Variants in VWCE observed in about 807,000 individuals in gnomAD.
VWCE encodes the protein von Willebrand factor C and EGF domains.
In VWCE, 68 loss-of-function variants were observed where a neutral mutation model predicts 102.9. The ratio of observed to expected loss-of-function variants is 0.66; its 90% CI spans 0.54 to 0.81. The LOEUF is 0.81. Among genes scored for constraint, VWCE ranks in the 30% least tolerant of loss-of-function variants. The pLI, the probability that VWCE is intolerant of heterozygous loss-of-function variation, is 0.00. For missense variants in VWCE, 1,137 were observed against 1,263.6 expected, an observed-to-expected ratio of 0.90 and a Z score of 1.52; for synonymous variants, 497 against 515.4, an observed-to-expected ratio of 0.96 and a Z score of 0.48.
intron 9 of VWCE, among the ~76,000 whole-genome samples, chr11:61,279,290 C>T (rs1177608630): frequency 1.3e-5 from 2 of 152,136 alleles, no homozygotes; most frequent in Non-Finnish European, 2.9e-5. Flanking sequence ...GAAAATCAAG[C>T]CAGGCCCAGC....
At chr11:61,288,870 G>A (rs1230399219) in intron 4 of VWCE, among the ~76,000 whole-genome samples, 1 of 141,254 alleles carries the variant, frequency 7.1e-6, no homozygotes, top group Non-Finnish European at 1.5e-5. Context: ...ACGGAATCTC[G>A]CTCTGTCACT....
chr11:61,258,815 T>C lies in VWCE; in HGVS notation c.2728A>G (p.Lys910Glu). The change falls in exon 20 of 20, where the codon AAG (lysine) becomes GAG (glutamate). Residue 910 changes from lysine (K) to glutamate (E), a missense_variant. Around this residue, in one of 5 missense-constraint regions of VWCE, gnomAD observed 316 missense variants for 319.3 expected, o/e 0.99. Coordinates refer to ENST00000335613, the MANE Select transcript of VWCE (RefSeq NM_152718.2). ...ALSMMDPSPS[K>E]TPITLLGPRV... ...GGCCCGAGGAGGGTGATGGGGGTCT[T>C]CGAGGGGCTGGGGTCCATCATGGAA... 1 of 1,503,700 alleles carries C rather than the reference T, an allele frequency of 6.7e-7. No individual in the cohort carries two copies. The allele number at this position is 1,503,700 out of a possible 1,614,324, so 93.1% of individuals were successfully genotyped here.
At chr11:61,264,451 T>C (rs985312161) in intron 19 of VWCE, 36 bp downstream of exon 19, 1 of 1,589,088 alleles carries the variant, frequency 6.3e-7, no homozygotes, top group Non-Finnish European at 8.6e-7. Flanking sequence ...TGGAAGAAGA[T>C]GGCGGAGAAA....
At chr11:61,265,964 T>C (rs1216874742) in intron 16 of VWCE, among the ~76,000 whole-genome samples, 2 of 151,968 alleles carry the variant, frequency 1.3e-5, no homozygotes, top group Non-Finnish European at 2.9e-5. Context: ...GAGAATCGTT[T>C]GAACCTGGGA....
intron 19 of VWCE, among the ~76,000 whole-genome samples, chr11:61,260,526 G>A (rs1357770207): frequency 6.6e-6 from 1 of 152,080 alleles, no homozygotes; most frequent in Non-Finnish European, 1.5e-5. Context: ...TCAAACTCCT[G>A]AGCTCAAGTG....
chr11:61,264,450 A>T, intron 19 of VWCE, 37 bp downstream of exon 19: 1 of 1,587,404 alleles, frequency 6.3e-7, no homozygotes. Flanking sequence ...ATGGAAGAAG[A>T]TGGCGGAGAA....
chr11:61,270,003 C>T (rs1292177781), intron 14 of VWCE, among the ~76,000 whole-genome samples: 4 of 151,292 alleles, frequency 2.6e-5, no homozygotes, highest in African/African-American at 4.9e-5. Context: ...CTGCAAGCTC[C>T]GCCTCCCGGG....
At chr11:61,290,762 C>A (rs1465829475) in intron 4 of VWCE, 37 bp downstream of exon 4, 1 of 1,570,954 alleles carries the variant, frequency 6.4e-7, no homozygotes, top group Non-Finnish European at 8.7e-7. Flanking sequence ...TTCCCGCTGT[C>A]CCCCTCCCCC....
At chr11:61,283,351 G>T (rs1342658688) in intron 5 of VWCE, among the ~76,000 whole-genome samples, 1 of 152,122 alleles carries the variant, frequency 6.6e-6, no homozygotes, top group Non-Finnish European at 1.5e-5. Flanking sequence ...CACAGTCCTG[G>T]TTGCCTTGCC....
intron 11 of VWCE, among the ~76,000 whole-genome samples, 167 bp downstream of exon 11, chr11:61,276,425 GC>G (rs1854908414): frequency 6.7e-6 from 1 of 149,432 alleles, no homozygotes; most frequent in Non-Finnish European, 1.5e-5. Flanking sequence ...AAAAAAAGGA[GC>G]AAAATGCAAA....
chr11:61,267,061 C>T (rs1195900240), intron 16 of VWCE, among the ~76,000 whole-genome samples: 4 of 152,282 alleles, frequency 2.6e-5, no homozygotes, highest in South Asian at 4.1e-4. Context: ...AGTTCAGGAA[C>T]GGCCTGGCCA....
chr11:61,278,591 G>T, intron 9 of VWCE, 115 bp from the exon 10 acceptor site: 1 of 955,820 alleles, frequency 1.0e-6, no homozygotes, highest in Non-Finnish European at 1.6e-6. Context: ...ACTGCCCTAG[G>T]TGTCCCAGGA....
chr11:61,280,497 G>A (rs1317906312), intron 9 of VWCE, 127 bp downstream of exon 9: 2 of 926,980 alleles, frequency 2.2e-6, no homozygotes, highest in Non-Finnish European at 3.2e-6. Flanking sequence ...GCCAAGGGAA[G>A]TGTGGCTTAG....
At chr11:61,267,435 C>G in intron 16 of VWCE, 27 bp downstream of exon 16, 2 of 1,610,296 alleles carry the variant, frequency 1.2e-6, no homozygotes, top group Non-Finnish European at 1.7e-6. Flanking sequence ...TTTCCAGGGG[C>G]GGGAGTCAGA....
intron 12 of VWCE, 38 bp downstream of exon 12, chr11:61,274,461 A>G (rs751567459): frequency 6.0e-5 from 96 of 1,599,282 alleles, no homozygotes; most frequent in Non-Finnish European, 8.2e-5. Flanking sequence ...TCCCCTCTCC[A>G]TCAATTCCAC....
rs1432317739 is a variant in VWCE, at chr11:61,294,209, C to CCCA, written c.110+718_110+719insTGG. Among the ~76,000 whole-genome samples the CCCA allele has an allele frequency of 6.6e-6, 1 of 152,142 alleles. No individual in the cohort carries two copies. The highest frequency in any genetic ancestry group is 1.5e-5 in the Non-Finnish European group (1 of 68,008). On this transcript the variant is annotated intron_variant, in intron 1 of 19. Coordinates refer to ENST00000335613, the MANE Select transcript of VWCE (RefSeq NM_152718.2). The surrounding 1 kb of genome is among the most constrained non-coding windows in gnomAD (Gnocchi z 6.3). Reference sequence around the variant, plus strand: ...GGGGCAGGTTCTGAGCAGGAACTGGCGGTGGCTGTGGAACACACGTGTGAG... The same window carrying CCCA: ...GGGGCAGGTTCTGAGCAGGAACTGGCCCAGGTGGCTGTGGAACACACGTGTGAG...
At position 61,280,608 on chromosome 11, in the gene VWCE, TG is replaced by T; in HGVS notation, c.1324+15del. The T allele has an allele frequency of 6.2e-7, 1 of 1,613,238 alleles. No homozygotes were observed. Reference sequence around the variant, plus strand: ...GAAGAGGCAGGACTATGTCCTTCCCTGGCACCAGCTCTCACCTGTGCACGAT... The same window carrying T: ...GAAGAGGCAGGACTATGTCCTTCCCTGCACCAGCTCTCACCTGTGCACGAT... On this transcript the variant is annotated intron_variant, in intron 9 of 19. Coordinates refer to ENST00000335613, the MANE Select transcript of VWCE (RefSeq NM_152718.2).
intron 4 of VWCE, 94 bp from the exon 5 acceptor site, chr11:61,286,524 C>T (rs945767457): frequency 9.1e-6 from 11 of 1,204,240 alleles, no homozygotes; most frequent in South Asian, 5.0e-5. Context: ...CCTTGCAGGC[C>T]GGGCATGGTG....
At position 61,269,244 on chromosome 11, in the gene VWCE, G is replaced by T. The variant is rs542894175; in HGVS notation, c.1786-226C>A. The T allele has an allele frequency of 1.3e-3, 718 of 541,986 alleles. 4 individuals carry two copies. The South Asian group carries it at 0.014, about 11-fold the overall frequency. 33.6% of individuals were successfully genotyped at this position (541,986 alleles called of 1,614,324 possible). On this transcript the variant is annotated intron_variant, in intron 14 of 19. Transcript: ENST00000335613. ...GCATCTTTAAGGAGAAGGAAGGTCAGGGTTGGGATTCTGGTCTCCTCCGCT... is the reference window on the plus strand; with the variant it reads ...GCATCTTTAAGGAGAAGGAAGGTCATGGTTGGGATTCTGGTCTCCTCCGCT...
Sources: gnomAD v4.1 joint callset for allele counts (sites outside exome capture counted in the v4.1 genomes callset) on GRCh38, gnomAD v4.1.1 for gene constraint, gnomAD v4.1.1 regional missense constraint, Gnocchi (gnomAD v3.1) non-coding constraint, MANE v1.5 for transcripts, NCBI Gene and HGNC (gene_info 2026-07-23, HGNC 2026-07-21) for gene names.